The following MAP4K5 variants were observed in gnomAD, a reference collection of about 807,000 sequenced individuals.
MAP4K5 encodes the protein mitogen-activated protein kinase kinase kinase kinase 5.
In MAP4K5, 82 loss-of-function variants were observed where a neutral mutation model predicts 135.6. That is an observed-to-expected ratio of 0.60 (90% CI 0.51 to 0.73). The LOEUF is 0.73. Ranked by LOEUF, MAP4K5 falls within the 30% of genes least tolerant of loss-of-function variation. The pLI is 0.00. For missense variants in MAP4K5, 907 were observed against 1,010.9 expected (o/e 0.90, Z 1.39); for synonymous variants, 347 against 335.0 (o/e 1.04, Z -0.39).
At chr14:50,463,209 A>T (rs1351600474) in intron 12 of MAP4K5, among the ~76,000 whole-genome samples, 9 of 150,514 alleles carry the variant, frequency 6.0e-5, no homozygotes. Context: ...ACAAAGACAT[A>T]TATAATTAAA....
At chr14:50,472,687 G>T (rs183774737) in intron 9 of MAP4K5, 1 of 152,250 alleles carries the variant, frequency 6.6e-6, no homozygotes, top group Non-Finnish European at 1.5e-5. Flanking sequence ...GGATGCCTTT[G>T]TTTCTCTCAG....
At chr14:50,499,703 A>G (rs1164513242) in intron 3 of MAP4K5, among the ~76,000 whole-genome samples, 2 of 152,062 alleles carry the variant, frequency 1.3e-5, no homozygotes, top group African/African-American at 4.8e-5. Flanking sequence ...AAAATTCATT[A>G]CTTTCCAAAG....
At chr14:50,528,670 C>T (rs1311170938) in intron 2 of MAP4K5, among the ~76,000 whole-genome samples, 1 of 152,078 alleles carries the variant, frequency 6.6e-6, no homozygotes, top group Non-Finnish European at 1.5e-5. Context: ...CTGCAGTGAG[C>T]TGATCGTGCC....
At chr14:50,489,775 T>C (rs890441970) in intron 3 of MAP4K5, among the ~76,000 whole-genome samples, 1 of 152,164 alleles carries the variant, frequency 6.6e-6, no homozygotes, top group African/African-American at 2.4e-5. Context: ...CTTGAAAATG[T>C]GAACCATGGA....
At chr14:50,529,315 A>C (rs1054661522) in intron 2 of MAP4K5, among the ~76,000 whole-genome samples, 1 of 152,080 alleles carries the variant, frequency 6.6e-6, no homozygotes, top group African/African-American at 2.4e-5. Flanking sequence ...TCAGCCCGGG[A>C]GGTTGAGGCT....
chr14:50,560,188 A>T, intron 1 of MAP4K5: 1 of 1,578,746 alleles, frequency 6.3e-7, no homozygotes, highest in Non-Finnish European at 8.7e-7. Context: ...GGAGCCTCCC[A>T]CCGCCAGCAA....
chr14:50,485,468 G>A (rs2037343810), intron 5 of MAP4K5, 110 bp downstream of exon 5: 3 of 691,226 alleles, frequency 4.3e-6, no homozygotes, highest in Non-Finnish European at 7.5e-6. Flanking sequence ...GGGAACAGAA[G>A]AATGCAAAAT....
At chr14:50,511,103 C>G (rs1345593526) in intron 2 of MAP4K5, among the ~76,000 whole-genome samples, 1 of 152,194 alleles carries the variant, frequency 6.6e-6, no homozygotes, top group East Asian at 1.9e-4. Flanking sequence ...TAAATCCATA[C>G]AGTGGAATGT....
intron 2 of MAP4K5, among the ~76,000 whole-genome samples, chr14:50,541,956 G>A (rs1010769456): frequency 3.0e-5 from 4 of 131,446 alleles, no homozygotes; most frequent in Non-Finnish European, 4.6e-5. Flanking sequence ...GTAGTGAGCC[G>A]AGATCGCGCC....
chr14:50,460,790 T>A (rs2036694689), intron 13 of MAP4K5, among the ~76,000 whole-genome samples: 1 of 152,142 alleles, frequency 6.6e-6, no homozygotes, highest in Non-Finnish European at 1.5e-5. Context: ...TACATAGATA[T>A]GATGGTGTAT....
chr14:50,436,012 T>C (rs1350251892), intron 26 of MAP4K5, among the ~76,000 whole-genome samples: 7 of 152,198 alleles, frequency 4.6e-5, no homozygotes, highest in African/African-American at 1.4e-4. Context: ...ATAATATTTA[T>C]AGCACATTTG....
At chr14:50,506,571 C>T (rs916156867) in intron 2 of MAP4K5, among the ~76,000 whole-genome samples, 3 of 151,954 alleles carry the variant, frequency 2.0e-5, no homozygotes, top group Non-Finnish European at 4.4e-5. Context: ...TTGCCCAGGC[C>T]GGTCTCAAAC....
rs548364274 is a variant in MAP4K5, at chr14:50,440,307, C to A, written c.1644+55G>T. On this transcript the variant is annotated intron_variant, in intron 22 of 32. Coordinates refer to ENST00000682126, the MANE Select transcript of MAP4K5 (RefSeq NM_006575.6). The stretch of plus-strand genomic sequence containing the variant: ...TACACAGATTGATTTAAAATTAAGA[C>A]ACTTCTTTATTCAATTTGTTTAAAT... 1.7e-3 allele frequency: 1,973 copies of A among 1,153,360 alleles called. 3 individuals carry two copies. Among genetic ancestry groups the A allele is most frequent in the Non-Finnish European group, 2.2e-3 (1,733 of 790,190 alleles). 71.4% of individuals were successfully genotyped at this position (1,153,360 alleles called of 1,614,324 possible).
In MAP4K5 at chr14:50,515,168, C is replaced by G. The variant is rs568337430; in HGVS notation, c.109-10311G>C. ...CTGCCCGCCTTGGCCTCCCAAAGTG[C>G]TGGGATTACAGGCGTGAGCCATTGT... On this transcript the variant is annotated intron_variant, in intron 2 of 32. Coordinates refer to ENST00000682126, the MANE Select transcript of MAP4K5 (RefSeq NM_006575.6). Among the ~76,000 whole-genome samples the G allele has an allele frequency of 2.0e-5, 3 of 152,278 alleles. No individual in the cohort carries two copies. In the South Asian group the frequency reaches 6.2e-4, roughly 32 times the overall value.
intron 3 of MAP4K5, among the ~76,000 whole-genome samples, chr14:50,496,569 T>C (rs886072519): frequency 2.0e-5 from 3 of 152,030 alleles, no homozygotes; most frequent in Non-Finnish European, 4.4e-5. Context: ...AACGCAGTGA[T>C]GTGAACATGG....
Position 50,532,069 on chromosome 14 carries a change from C to A in MAP4K5, c.-20G>T, listed in dbSNP as rs1378061117. The A allele has an allele frequency of 6.8e-7, 1 of 1,463,688 alleles. No homozygotes were observed. Among genetic ancestry groups the A allele is most frequent in the South Asian group, 1.2e-5 (1 of 82,058 alleles). 90.7% of individuals were successfully genotyped at this position (1,463,688 alleles called of 1,614,324 possible). A position where few individuals can be genotyped will look rare whatever the true frequency, so the allele number is the denominator to read the frequency against. On this transcript the variant is annotated 5_prime_UTR_variant, in exon 2 of 33. Coordinates refer to ENST00000682126, the MANE Select transcript of MAP4K5 (RefSeq NM_006575.6). The stretch of plus-strand genomic sequence containing the variant: ...CTCCATCTTCACTTAGGGCCCGGCC[C>A]CCGCCAGCTCACCCCGCGGCTCCCG...
chr14:50,508,880 G>A (rs1192307439), intron 2 of MAP4K5, among the ~76,000 whole-genome samples: 1 of 151,868 alleles, frequency 6.6e-6, no homozygotes, highest in African/African-American at 2.4e-5. Context: ...CCCATTACTG[G>A]GTATATACCC....
intron 8 of MAP4K5, 103 bp downstream of exon 8, chr14:50,476,025 A>T: frequency 1.6e-6 from 1 of 606,760 alleles, no homozygotes; most frequent in East Asian, 3.2e-5. Context: ...TGATATGAAA[A>T]TGAAATCTGC....
In MAP4K5 at chr14:50,515,720, T is replaced by C. The variant is rs190021723; in HGVS notation, c.109-10863A>G. On this transcript the variant is annotated intron_variant, in intron 2 of 32. Transcript: ENST00000682126. ...CTTTTTATAAGAACTATTCCACTCC[T>C]CTTGCTTCAAACTTTCAATGATCCC... Among the ~76,000 whole-genome samples the C allele has an allele frequency of 2.6e-5, 4 of 152,318 alleles. No individual in the cohort carries two copies. In the East Asian group the frequency reaches 7.7e-4, roughly 29 times the overall value.
Sources: gnomAD v4.1 joint callset for allele counts (sites outside exome capture counted in the v4.1 genomes callset) on GRCh38, gnomAD v4.1.1 for gene constraint, MANE v1.5 for transcripts, NCBI Gene and HGNC (gene_info 2026-07-23, HGNC 2026-07-21) for gene names.